Variants in CDH18 observed in about 807,000 individuals in gnomAD.
The protein encoded by CDH18 is cadherin-18.
A neutral mutation model predicts 67.9 loss-of-function variants in CDH18; 31 were observed. The observed-to-expected ratio is 0.46, with a 90% confidence interval of 0.34 to 0.62. CDH18 has a LOEUF of 0.62. Among genes scored for constraint, CDH18 ranks in the 20% least tolerant of loss-of-function variants. CDH18 has a pLI of 0.01. For synonymous variants in CDH18, 362 were observed against 347.2 expected (o/e 1.04, Z -0.48); for missense variants, 890 against 975.5 (o/e 0.91, Z 1.17).
intron 10 of CDH18, among the ~76,000 whole-genome samples, chr5:19,508,382 T>A (rs1263638983): frequency 6.6e-6 from 1 of 152,152 alleles, no homozygotes; most frequent in Non-Finnish European, 1.5e-5. Flanking sequence ...CCTTGCTATT[T>A]CTTTGTCCAA....
chr5:20,429,777 A>C (rs577041494), intron 1 of CDH18, among the ~76,000 whole-genome samples: 4 of 152,316 alleles, frequency 2.6e-5, no homozygotes, highest in Non-Finnish European at 5.9e-5. Flanking sequence ...ATAGCAAATA[A>C]GGAAACCTCA....
intron 4 of CDH18, among the ~76,000 whole-genome samples, chr5:19,731,845 G>A (rs1432948116): frequency 6.6e-6 from 1 of 151,982 alleles, no homozygotes; most frequent in Non-Finnish European, 1.5e-5. Context: ...ATCCCAGCAC[G>A]CTGGGAGGCT....
At chr5:20,056,373 T>C (rs1436427400) in intron 2 of CDH18, among the ~76,000 whole-genome samples, 1 of 149,552 alleles carries the variant, frequency 6.7e-6, no homozygotes, top group Non-Finnish European at 1.5e-5. Flanking sequence ...CAATCAGGAA[T>C]GGACAAGCTG....
intron 11 of CDH18, among the ~76,000 whole-genome samples, chr5:19,500,299 T>C (rs1174288332): frequency 6.6e-6 from 1 of 152,184 alleles, no homozygotes; most frequent in Non-Finnish European, 1.5e-5. Flanking sequence ...ATTTCATCTT[T>C]ATACAGTATT....
chr5:20,426,755 T>C (rs1748332911), intron 1 of CDH18, among the ~76,000 whole-genome samples: 1 of 151,094 alleles, frequency 6.6e-6, no homozygotes, highest in Non-Finnish European at 1.5e-5. Flanking sequence ...TGAAACTTTT[T>C]CAAATAAAAC....
At chr5:19,568,243 C>A (rs1026663439) in intron 8 of CDH18, among the ~76,000 whole-genome samples, 1 of 152,092 alleles carries the variant, frequency 6.6e-6, no homozygotes, top group Non-Finnish European at 1.5e-5. Context: ...TTTTATCCCC[C>A]TCCCCCAAAT....
intron 1 of CDH18, among the ~76,000 whole-genome samples, chr5:20,534,472 G>T (rs1756598047): frequency 6.6e-6 from 1 of 151,942 alleles, no homozygotes; most frequent in Admixed American, 6.6e-5. Flanking sequence ...CACAAGAACA[G>T]AATACAATTG....
At chr5:20,470,243 C>T (rs571165792) in intron 1 of CDH18, among the ~76,000 whole-genome samples, 81 of 152,104 alleles carry the variant, frequency 5.3e-4, no homozygotes, top group South Asian at 1.9e-3. Context: ...TAATGACTCC[C>T]GTATATACAT....
At chr5:20,338,556 C>T (rs1345014640) in intron 1 of CDH18, among the ~76,000 whole-genome samples, 1 of 152,198 alleles carries the variant, frequency 6.6e-6, no homozygotes, top group African/African-American at 2.4e-5. Flanking sequence ...GAAAGCATAG[C>T]TAGACAGATG....
chr5:19,722,413 G>A (rs957505064), intron 4 of CDH18, among the ~76,000 whole-genome samples: 7 of 150,914 alleles, frequency 4.6e-5, no homozygotes, highest in Non-Finnish European at 8.8e-5. Context: ...TGCCAACATC[G>A]CACTGGATTT....
chr5:20,355,034 T>A (rs1455624768), intron 1 of CDH18, among the ~76,000 whole-genome samples: 1 of 152,176 alleles, frequency 6.6e-6, no homozygotes, highest in African/African-American at 2.4e-5. Context: ...CTTGCTAGAA[T>A]TTTCATAGGC....
intron 12 of CDH18, among the ~76,000 whole-genome samples, chr5:19,478,871 A>T (rs1738935854): frequency 6.6e-6 from 1 of 152,320 alleles, no homozygotes; most frequent in South Asian, 2.1e-4. Context: ...ATTGCATCAT[A>T]AAGGCTCACT....
chr5:20,352,130 C>T (rs1457102213), intron 1 of CDH18, among the ~76,000 whole-genome samples: 1 of 152,148 alleles, frequency 6.6e-6, no homozygotes, highest in East Asian at 1.9e-4. Flanking sequence ...CGAGTTTGAA[C>T]TGTGAGGATC....
In CDH18 at chr5:19,811,078, AAAAGAAAG is replaced by A. The variant is rs573517217; in HGVS notation, c.228+27673_228+27680del. Among the ~76,000 whole-genome samples the A allele has an allele frequency of 3.2e-3, 401 of 124,876 alleles. 5 individuals carry two copies. Among genetic ancestry groups the A allele is most frequent in the East Asian group, 5.1e-3 (19 of 3,756 alleles). 81.9% of individuals were successfully genotyped at this position (124,876 alleles called of 152,430 possible). A position where few individuals can be genotyped will look rare whatever the true frequency, so the allele number is the denominator to read the frequency against. The stretch of plus-strand genomic sequence containing the variant: ...AAGGAAAAGGGAAGGGAGAAAGAGA[AAAAGAAAG>A]AAAGAAAGAAAGAAAGAAAGAAAGA... On this transcript the variant is annotated intron_variant, in intron 3 of 12. Transcript: ENST00000382275.
At chr5:19,997,852 T>C (rs1309925027) in intron 2 of CDH18, among the ~76,000 whole-genome samples, 2 of 152,186 alleles carry the variant, frequency 1.3e-5, no homozygotes, top group African/African-American at 2.4e-5. Flanking sequence ...TTAATTCATC[T>C]TGAGTAGGTA....
At chr5:20,498,868 C>T (rs897252057) in intron 1 of CDH18, among the ~76,000 whole-genome samples, 25 of 152,018 alleles carry the variant, frequency 1.6e-4, no homozygotes, top group African/African-American at 6.0e-4. Flanking sequence ...TTAAATTCTA[C>T]ATTTCATATT....
intron 1 of CDH18, among the ~76,000 whole-genome samples, chr5:20,484,781 G>A (rs1471921681): frequency 2.6e-5 from 4 of 152,138 alleles, no homozygotes; most frequent in South Asian, 2.1e-4. Flanking sequence ...AGAGTAGAAC[G>A]ATGGTTACCA....
In CDH18 at chr5:19,952,804, G is replaced by T. The variant is rs191637285; in HGVS notation, c.-257+28256C>A. Among the ~76,000 whole-genome samples, 10 of 152,078 alleles carry T rather than the reference G, an allele frequency of 6.6e-5. No individual in the cohort carries two copies. In the East Asian group the frequency reaches 1.4e-3, roughly 21 times the overall value. On this transcript the variant is annotated intron_variant, in intron 2 of 12. Transcript: ENST00000382275. ...ATTCAATGATATGAGAGGCATTTAG[G>T]GGAAATATTTTGGAGAAATGAGGAT...
chr5:19,585,325 T>C (rs774465853), intron 7 of CDH18, among the ~76,000 whole-genome samples: 3 of 152,146 alleles, frequency 2.0e-5, no homozygotes, highest in Non-Finnish European at 4.4e-5. Flanking sequence ...AACCATCCAC[T>C]GCCACTTTCA....
Sources: gnomAD v4.1 joint callset for allele counts (sites outside exome capture counted in the v4.1 genomes callset) on GRCh38, gnomAD v4.1.1 for gene constraint, MANE v1.5 for transcripts, NCBI Gene and HGNC (gene_info 2026-07-23, HGNC 2026-07-21) for gene names.